Variants in TCTN2 observed in about 807,000 individuals in gnomAD.
TCTN2 encodes the protein tectonic-2.
Under a neutral mutation model 83.4 loss-of-function variants are expected in TCTN2, and 66 were observed. That is an observed-to-expected ratio of 0.79 (90% CI 0.65 to 0.97). The LOEUF (loss-of-function observed/expected upper bound fraction) is 0.97, where lower values mean the gene tolerates loss of function less well. TCTN2 is among the 50% of genes least tolerant of loss of function. The pLI, the probability that TCTN2 is intolerant of heterozygous loss-of-function variation, is 0.00. For synonymous variants in TCTN2, 301 were observed against 326.7 expected, an observed-to-expected ratio of 0.92 and a Z score of 0.85; for missense variants, 794 against 858.1, an observed-to-expected ratio of 0.93 and a Z score of 0.93.
chr12:123,671,650 T>C, intron 2 of TCTN2, 36 bp downstream of exon 2: 1 of 1,583,554 alleles, frequency 6.3e-7, no homozygotes. Context: ...GGGTGGGGGT[T>C]GGACTGGATC....
rs1956087736 is a variant in TCTN2 at position 123,694,824 on chromosome 12, A to G, written c.1100-18A>G. ...CAAAGAGGGTCTTTAATTTATGAAC[A>G]TATTCTTGTATTTGCAGAAACTCCT... On this transcript the variant is annotated intron_variant, in intron 9 of 17. Transcript: ENST00000303372. 3 of 1,608,910 alleles carry G rather than the reference A, an allele frequency of 1.9e-6. No homozygotes were observed. Among genetic ancestry groups the G allele is most frequent in the Non-Finnish European group, 2.6e-6 (3 of 1,176,318 alleles).
chr12:123,688,841 T>C (rs1350534173), intron 7 of TCTN2, among the ~76,000 whole-genome samples: 1 of 151,990 alleles, frequency 6.6e-6, no homozygotes, highest in African/African-American at 2.4e-5. Context: ...CCGCAACCTC[T>C]GCCTCCCGGG....
rs543710713 is a variant in TCTN2, at chr12:123,676,128, C to A, written c.463+2318C>A. Among the ~76,000 whole-genome samples, 30 of 152,024 alleles carry A rather than the reference C, an allele frequency of 2.0e-4. 1 individual carries two copies. Among genetic ancestry groups the A allele is most frequent in the African/African-American group, 6.8e-4 (28 of 41,454 alleles). On this transcript the variant is annotated intron_variant, in intron 4 of 17. Transcript: ENST00000303372. ...ACCCTGTCTCTACAAACAAATACTA[C>A]AATTAGCTGTGCGTGGTAGTCGGTG...
intron 8 of TCTN2, among the ~76,000 whole-genome samples, chr12:123,690,904 C>T (rs763324440): frequency 2.6e-5 from 4 of 152,058 alleles, no homozygotes; most frequent in African/African-American, 4.8e-5. Flanking sequence ...TTTGTTTCTC[C>T]GTCACGCAGG....
chr12:123,678,623 C>T (rs1293455876), intron 4 of TCTN2, among the ~76,000 whole-genome samples: 1 of 152,020 alleles, frequency 6.6e-6, no homozygotes, highest in East Asian at 1.9e-4. Flanking sequence ...TAACTTGTGA[C>T]TCTTAGTCAA....
chr12:123,687,879 G>A (rs189828374), intron 6 of TCTN2, among the ~76,000 whole-genome samples, 172 bp from the exon 7 acceptor site: 3 of 151,926 alleles, frequency 2.0e-5, no homozygotes, highest in Admixed American at 2.0e-4. Flanking sequence ...CACAAGAATT[G>A]CTTGAACCTG....
chr12:123,671,481 C>G, intron 1 of TCTN2, 26 bp from the exon 2 acceptor site: 1 of 1,611,494 alleles, frequency 6.2e-7, no homozygotes, highest in Non-Finnish European at 8.5e-7. Flanking sequence ...GCTAACCCCT[C>G]CTTGTCCCCT....
intron 11 of TCTN2, 147 bp from the exon 12 acceptor site, chr12:123,696,268 G>C (rs577954879): frequency 7.3e-6 from 5 of 686,736 alleles, no homozygotes; most frequent in South Asian, 4.8e-5. Context: ...TTTGAGACCC[G>C]AAGTTGCCAT....
intron 5 of TCTN2, among the ~76,000 whole-genome samples, chr12:123,680,018 C>T (rs529704836): frequency 3.3e-5 from 5 of 151,362 alleles, no homozygotes; most frequent in Non-Finnish European, 7.4e-5. Context: ...GGATTACAGG[C>T]GTGAGCCACC....
rs190331237 is a variant in TCTN2, at chr12:123,706,722, C to T, written c.1770-4C>T. On this transcript the variant is annotated splice_region_variant and splice_polypyrimidine_tract_variant and intron_variant, in intron 15 of 17. Transcript: ENST00000303372. Reference sequence around the variant, plus strand: ...ATGCTGACCATGTGATCTTTCCCTCCTAGGTTCTCCTCAGTGAACTGGCAG... The same window carrying T: ...ATGCTGACCATGTGATCTTTCCCTCTTAGGTTCTCCTCAGTGAACTGGCAG... 1 of 1,613,842 alleles carries T rather than the reference C, an allele frequency of 6.2e-7. No homozygotes were observed. Among genetic ancestry groups the T allele is most frequent in the East Asian group, 2.2e-5 (1 of 44,874 alleles).
chr12:123,678,867 G>A (rs973576732), intron 4 of TCTN2, among the ~76,000 whole-genome samples: 6 of 151,132 alleles, frequency 4.0e-5, no homozygotes, highest in South Asian at 4.2e-4. Flanking sequence ...GCACGATCTC[G>A]GCTCACTGCA....
chr12:123,694,289 G>A (rs368852825), intron 9 of TCTN2, among the ~76,000 whole-genome samples: 3 of 152,168 alleles, frequency 2.0e-5, no homozygotes, highest in Middle Eastern at 3.4e-3. Flanking sequence ...CACCGCACCC[G>A]GCCTAATTTT....
At chr12:123,707,207 G>C in intron 17 of TCTN2, 134 bp downstream of exon 17, 1 of 774,972 alleles carries the variant, frequency 1.3e-6, no homozygotes, top group Non-Finnish European at 2.1e-6. Flanking sequence ...ATTGCCACTT[G>C]GAAGTGATCA....
rs1488670132 is a variant in TCTN2 at position 123,707,903 on chromosome 12, T to G, written c.*190T>G. ...TTTTGTATTTTTAGTAGAGACAGGG[T>G]TCCACCGTATTGGCCAGGCTGCTCT... is the stretch of plus-strand genomic sequence containing the variant. On this transcript the variant is annotated 3_prime_UTR_variant, in exon 18 of 18. Transcript: ENST00000303372. 1 of 601,176 alleles carries G rather than the reference T, an allele frequency of 1.7e-6. No homozygotes were observed. Among genetic ancestry groups the G allele is most frequent in the Non-Finnish European group, 3.0e-6 (1 of 334,180 alleles). 37.2% of individuals were successfully genotyped at this position (601,176 alleles called of 1,614,324 possible). A position where few individuals can be genotyped will look rare whatever the true frequency, so the allele number is the denominator to read the frequency against.
In TCTN2 at chr12:123,696,432, C is replaced by T. The variant is rs751759358; in HGVS notation, c.1330C>T (p.Pro444Ser). 14 of 1,614,078 alleles carry T rather than the reference C, an allele frequency of 8.7e-6. No individual in the cohort carries two copies. The highest frequency in any genetic ancestry group is 1.2e-5 in the Non-Finnish European group (14 of 1,179,976). ...TTGTCTAGGTTACCAACTTGGCAAG[C>T]CTGTCCGAGCTCTAAATATCAACAG... ...SGNPGYQLGK[P>S]VRALNINRMN... The change falls in exon 12 of 18, where the codon CCT becomes TCT. Residue 444 changes from proline to serine, a missense_variant. Pro to Ser is a moderately conservative substitution (Grantham distance 74). Transcript: ENST00000303372.
intron 9 of TCTN2, among the ~76,000 whole-genome samples, chr12:123,693,376 CT>C (rs373196834): frequency 0.013 from 1,243 of 92,936 alleles, 15 homozygotes; most frequent in African/African-American, 0.048. Flanking sequence ...GCTTTCTTTC[CT>C]TTTTTTTTTT....
Position 123,671,310 on chromosome 12 carries a change from T to C in TCTN2, c.70T>C (p.Trp24Arg). ...FLLQGILRLL[W>R]GDLAFIPPFI... is the part of the protein sequence containing the mutation. ...TCTGCAGGGCATCCTGAGGCTTCTG[T>C]GGGGGGACCTGGGTGTGTACGGCGC... The change falls in exon 1 of 18, where the codon TGG (tryptophan) becomes CGG (arginine). Residue 24 changes from tryptophan (W) to arginine (R), a missense_variant. Coordinates refer to ENST00000303372, the MANE Select transcript of TCTN2 (RefSeq NM_024809.5). 6.2e-7 allele frequency: 1 copy of C among 1,613,572 alleles called. No homozygotes were observed. The highest frequency in any genetic ancestry group is 8.5e-7 in the Non-Finnish European group (1 of 1,179,906).
intron 8 of TCTN2, 97 bp downstream of exon 8, chr12:123,690,771 AAAT>A (rs1956032112): frequency 1.1e-5 from 16 of 1,467,976 alleles, no homozygotes; most frequent in Non-Finnish European, 1.5e-5. Context: ...GTTCAACTTC[AAAT>A]AATATTTGAA....
chr12:123,706,852 G>C lies in TCTN2; in HGVS notation c.1895+1G>C, dbSNP rs757715290. 1 of 1,614,062 alleles carries C rather than the reference G, an allele frequency of 6.2e-7. No homozygotes were observed. The highest frequency in any genetic ancestry group is 1.1e-5 in the South Asian group (1 of 91,082). ...CACAGTTACCCCACCCCCTGACAAG[G>C]TACTCCAGTTGCTCACCTAGTTGAC... On this transcript the variant is annotated splice_donor_variant, in intron 16 of 17. Transcript: ENST00000303372. LOFTEE classifies it high-confidence loss of function.
Sources: allele counts gnomAD v4.1 joint callset (sites outside exome capture counted in the v4.1 genomes callset), GRCh38; gene constraint gnomAD v4.1.1; transcripts MANE v1.5; gene names NCBI Gene and HGNC (gene_info 2026-07-23, HGNC 2026-07-21).